Variants in GPC5 observed in about 807,000 individuals in gnomAD.
GPC5 encodes the protein glypican 5.
In GPC5, 47 loss-of-function variants were observed where a neutral mutation model predicts 53.9. That is an observed-to-expected ratio of 0.87 (90% confidence interval 0.69 to 1.11). The LOEUF is 1.11. Ranked by LOEUF, GPC5 falls within the 50% of genes most tolerant of loss-of-function variation. The pLI is 0.00. For missense variants in GPC5, 748 were observed against 713.1 expected, an observed-to-expected ratio of 1.05 and a Z score of -0.56; for synonymous variants, 286 against 263.3, an observed-to-expected ratio of 1.09 and a Z score of -0.84.
At chr13:91,671,763 G>C (rs2035248121) in intron 2 of GPC5, among the ~76,000 whole-genome samples, 1 of 90,972 alleles carries the variant, frequency 1.1e-5, no homozygotes, top group African/African-American at 4.5e-5. Flanking sequence ...ACCCTGTATA[G>C]CCAAGACAAT....
chr13:92,297,264 G>A (rs900453325), intron 7 of GPC5, among the ~76,000 whole-genome samples: 31 of 151,154 alleles, frequency 2.1e-4, no homozygotes, highest in African/African-American at 6.6e-4. Flanking sequence ...TGGTGAGGAC[G>A]TGGAGAACCT....
chr13:92,685,897 A>C (rs1887261498), intron 7 of GPC5, among the ~76,000 whole-genome samples: 1 of 15,996 alleles, frequency 6.3e-5, no homozygotes, highest in African/African-American at 3.0e-4. Context: ...TGAACTCATC[A>C]TTTTTTATGG....
chr13:92,357,967 C>T (rs762669211), intron 7 of GPC5, among the ~76,000 whole-genome samples: 13 of 151,618 alleles, frequency 8.6e-5, no homozygotes, highest in Admixed American at 3.9e-4. Context: ...ATGACCTCTT[C>T]TCAACAGTCC....
At chr13:92,382,740 G>A (rs576820357) in intron 7 of GPC5, among the ~76,000 whole-genome samples, 12 of 152,232 alleles carry the variant, frequency 7.9e-5, no homozygotes, top group African/African-American at 2.9e-4. Flanking sequence ...GCCGGGCGCG[G>A]TGGCTCACGC....
At chr13:92,227,990 T>G (rs750126310) in intron 7 of GPC5, among the ~76,000 whole-genome samples, 3 of 152,164 alleles carry the variant, frequency 2.0e-5, no homozygotes, top group Admixed American at 6.6e-5. Context: ...AGAGAAAATA[T>G]ATTATTTAAA....
At chr13:91,501,240 G>GTTTTT (rs140865584) in intron 2 of GPC5, among the ~76,000 whole-genome samples, 13 of 106,396 alleles carry the variant, frequency 1.2e-4, no homozygotes, top group Admixed American at 1.9e-4. Flanking sequence ...TTAAGACTTT[G>GTTTTT]TTTTTTTTTT....
At chr13:92,573,312 A>G (rs1883091520) in intron 7 of GPC5, among the ~76,000 whole-genome samples, 2 of 152,194 alleles carry the variant, frequency 1.3e-5, no homozygotes, top group Non-Finnish European at 2.9e-5. Context: ...AATCTAAACC[A>G]TTTTTAAGGG....
At chr13:91,423,228 G>A (rs1878768234) in intron 1 of GPC5, among the ~76,000 whole-genome samples, 1 of 152,168 alleles carries the variant, frequency 6.6e-6, no homozygotes, top group Non-Finnish European at 1.5e-5. Flanking sequence ...TAGTGTACTG[G>A]TTAAGTGCAT....
At chr13:91,640,486 T>C (rs1213918972) in intron 2 of GPC5, among the ~76,000 whole-genome samples, 2 of 152,214 alleles carry the variant, frequency 1.3e-5, no homozygotes, top group Admixed American at 6.5e-5. Flanking sequence ...CAACAGATGC[T>C]GGTGAGGTTG....
intron 4 of GPC5, among the ~76,000 whole-genome samples, chr13:91,740,443 G>A (rs1489081479): frequency 6.6e-6 from 1 of 152,166 alleles, no homozygotes; most frequent in Non-Finnish European, 1.5e-5. Context: ...CTGGATAAGA[G>A]TTGTGCTAAG....
intron 2 of GPC5, among the ~76,000 whole-genome samples, chr13:91,487,694 T>C (rs1883692167): frequency 6.6e-6 from 1 of 152,238 alleles, no homozygotes; most frequent in Non-Finnish European, 1.5e-5. Context: ...TGTTGAACTT[T>C]TAACTACATG....
chr13:91,967,386 A>T (rs1296305940), intron 6 of GPC5, among the ~76,000 whole-genome samples: 1 of 152,194 alleles, frequency 6.6e-6, no homozygotes, highest in Non-Finnish European at 1.5e-5. Context: ...ACTTTAAAAA[A>T]TTTGTATTTT....
intron 2 of GPC5, among the ~76,000 whole-genome samples, chr13:91,568,992 C>G (rs1004027251): frequency 2.0e-5 from 3 of 152,058 alleles, no homozygotes; most frequent in African/African-American, 7.2e-5. Context: ...TTCAGGTGAT[C>G]CACCTGCCTC....
At chr13:92,815,924 C>T (rs1280918136) in intron 7 of GPC5, among the ~76,000 whole-genome samples, 1 of 151,968 alleles carries the variant, frequency 6.6e-6, no homozygotes, top group Admixed American at 6.5e-5. Flanking sequence ...GGCTTTGCAC[C>T]TATCAATTTG....
intron 6 of GPC5, among the ~76,000 whole-genome samples, chr13:91,976,231 C>A (rs1172851041): frequency 2.0e-5 from 3 of 152,080 alleles, no homozygotes; most frequent in Non-Finnish European, 4.4e-5. Flanking sequence ...ATGTAACTAA[C>A]CTGCACGTTG....
chr13:92,475,167 A>T (rs929296754), intron 7 of GPC5, among the ~76,000 whole-genome samples: 1 of 151,790 alleles, frequency 6.6e-6, no homozygotes, highest in Non-Finnish European at 1.5e-5. Flanking sequence ...TTGGCTTAGG[A>T]TTGACTTGGC....
chr13:91,728,450 G>A (rs1185797714), intron 3 of GPC5, 82 bp from the exon 4 acceptor site: 1 of 1,358,686 alleles, frequency 7.4e-7, no homozygotes, highest in South Asian at 1.6e-5. Flanking sequence ...ACGTGTCATT[G>A]TTTTGGGCCC....
chr13:92,198,793 G>C (rs1010560216), intron 7 of GPC5, among the ~76,000 whole-genome samples: 2 of 152,038 alleles, frequency 1.3e-5, no homozygotes, highest in African/African-American at 4.8e-5. Flanking sequence ...TGACAATTTG[G>C]GGAGAGTAGG....
At chr13:91,614,506 A>G (rs9652156) in intron 2 of GPC5, among the ~76,000 whole-genome samples, 167 of 151,994 alleles carry the variant, frequency 1.1e-3, no homozygotes, top group African/African-American at 3.9e-3. Context: ...TAATTTTTAA[A>G]TTTCTTGTAG....
Sources: allele counts gnomAD v4.1 joint callset (sites outside exome capture counted in the v4.1 genomes callset), GRCh38; gene constraint gnomAD v4.1.1; transcripts MANE v1.5; gene names NCBI Gene and HGNC (gene_info 2026-07-23, HGNC 2026-07-21).